NFATC2: variants seen among roughly 807,000 people sequenced by gnomAD.
NFATC2 encodes nuclear factor of activated T cells 2, also known as nuclear factor of activated T-cells, cytoplasmic 2.
A neutral mutation model predicts 87.3 loss-of-function variants in NFATC2; 22 were observed. The ratio of observed to expected loss-of-function variants is 0.25; its 90% CI spans 0.18 to 0.36. The LOEUF (loss-of-function observed/expected upper bound fraction) is 0.36. Among genes scored for constraint, NFATC2 ranks in the 10% least tolerant of loss-of-function variants. The pLI is 1.00. For missense variants in NFATC2, 1,149 were observed against 1,259.1 expected (o/e 0.91, Z 1.32); for synonymous variants, 565 against 542.2 (o/e 1.04, Z -0.58).
chr20:51,505,324 C>T (rs2076160676), intron 3 of NFATC2, among the ~76,000 whole-genome samples: 2 of 151,582 alleles, frequency 1.3e-5, no homozygotes, highest in South Asian at 4.2e-4. Flanking sequence ...CTGGCCATTT[C>T]CTGTACTTTT....
Position 51,390,418 on chromosome 20 carries a change from T to G in NFATC2, c.*1078A>C, listed in dbSNP as rs1249966667. ...TACCCACACTTCTTTTCTTGGTTGC[T>G]TTAGCCCTTCTGCTATTCCTCAATT... is the stretch of plus-strand genomic sequence containing the variant. On this transcript the variant is annotated 3_prime_UTR_variant, in exon 11 of 11. Coordinates refer to ENST00000371564, the MANE Select transcript of NFATC2 (RefSeq NM_012340.5). The G allele has an allele frequency of 6.6e-6, 1 of 152,256 alleles. No homozygotes were observed. Among genetic ancestry groups the G allele is most frequent in the Non-Finnish European group, 1.5e-5 (1 of 68,050 alleles). 9.4% of individuals were successfully genotyped at this position (152,256 alleles called of 1,614,324 possible).
At chr20:51,398,779 C>A in intron 9 of NFATC2, 49 bp from the exon 10 acceptor site, 1 of 1,271,260 alleles carries the variant, frequency 7.9e-7, no homozygotes, top group East Asian at 2.3e-5. Context: ...AAAAAATCAC[C>A]TTTGATCTCT....
intron 1 of NFATC2, among the ~76,000 whole-genome samples, chr20:51,561,282 C>T (rs2077018697): frequency 7.1e-6 from 1 of 141,084 alleles, no homozygotes; most frequent in Admixed American, 7.4e-5. Context: ...CGTGGCAAAG[C>T]ACACCGTTTA....
chr20:51,555,854 C>T (rs1302837592), intron 1 of NFATC2, among the ~76,000 whole-genome samples: 1 of 152,178 alleles, frequency 6.6e-6, no homozygotes, highest in Non-Finnish European at 1.5e-5. Flanking sequence ...CTATCCAGCC[C>T]GAATGAGGAA....
chr20:51,492,853 G>T (rs963467813), intron 3 of NFATC2, among the ~76,000 whole-genome samples: 2 of 152,268 alleles, frequency 1.3e-5, no homozygotes, highest in African/African-American at 2.4e-5. Context: ...CCGGGGCTGG[G>T]CCTGTCAAGG....
In NFATC2 at chr20:51,473,957, C is replaced by A. The variant is rs548340477; in HGVS notation, c.1708+23G>T. 29 of 1,606,706 alleles carry A rather than the reference C, an allele frequency of 1.8e-5. 1 individual carries two copies. In the South Asian group the frequency reaches 2.9e-4, roughly 16 times the overall value. Reference sequence around the variant, plus strand: ...GTGCCCTACGCTTTCTGAAGAAAGACCGGGCCCCAGGGCCCAACTTACAGC... The same window carrying A: ...GTGCCCTACGCTTTCTGAAGAAAGAACGGGCCCCAGGGCCCAACTTACAGC... On this transcript the variant is annotated intron_variant, in intron 5 of 10. Transcript: ENST00000371564.
intron 3 of NFATC2, among the ~76,000 whole-genome samples, chr20:51,483,300 G>A (rs775012360): frequency 6.6e-6 from 1 of 152,036 alleles, no homozygotes; most frequent in Non-Finnish European, 1.5e-5. Flanking sequence ...AAATGGCAAC[G>A]GGCCAAACAG....
rs1329499086 is a variant in NFATC2 at position 51,523,109 on chromosome 20, G to A, written c.1132C>T (p.Pro378Ser). ...CAGATGGGAATGGCAGGCACCAGCG[G>A]CTTGGGCCAAGTGGGCGGAACCAGC... ...ILLVPPTWPK[P>S]LVPAIPICSI... Residue 378 changes from proline to serine, a missense_variant, in exon 2 of 11, where the codon CCG becomes TCG. Pro to Ser is a moderately conservative substitution (Grantham distance 74). Coordinates refer to ENST00000371564, the MANE Select transcript of NFATC2 (RefSeq NM_012340.5). This position sits in a 1 kb window ranked among gnomAD's most constrained non-coding sequence, Gnocchi z 6.9. The A allele has an allele frequency of 1.2e-6, 2 of 1,614,250 alleles. No homozygotes were observed. Among genetic ancestry groups the A allele is most frequent in the African/African-American group, 2.7e-5 (2 of 75,074 alleles).
At chr20:51,409,064 TTAAC>T (rs1978804036) in intron 9 of NFATC2, among the ~76,000 whole-genome samples, 1 of 152,210 alleles carries the variant, frequency 6.6e-6, no homozygotes, top group African/African-American at 2.4e-5. Context: ...GTGAAAAAAT[TTAAC>T]TGTCTGACAG....
At chr20:51,511,798 C>T (rs2076275691) in intron 3 of NFATC2, among the ~76,000 whole-genome samples, 2 of 152,228 alleles carry the variant, frequency 1.3e-5, no homozygotes, top group Admixed American at 1.3e-4. Flanking sequence ...ATCTAGTCCC[C>T]AGGGAGAAAC....
intron 9 of NFATC2, among the ~76,000 whole-genome samples, chr20:51,421,235 G>A (rs1348175937): frequency 2.6e-5 from 4 of 152,108 alleles, no homozygotes; most frequent in African/African-American, 9.7e-5. Flanking sequence ...CTTGTACTAT[G>A]CTATAGTTAC....
At chr20:51,536,635 G>T (rs7275015) in intron 1 of NFATC2, among the ~76,000 whole-genome samples, 171 of 152,278 alleles carry the variant, frequency 1.1e-3, no homozygotes, top group African/African-American at 3.9e-3. Flanking sequence ...GAACACAGGG[G>T]CTTGAATTTA....
intron 10 of NFATC2, among the ~76,000 whole-genome samples, chr20:51,397,935 A>T (rs534337495): frequency 2.6e-5 from 4 of 152,150 alleles, no homozygotes; most frequent in Admixed American, 6.5e-5. Flanking sequence ...TCAATGTCTC[A>T]TCTGGACTTC....
chr20:51,524,562 G>A lies in NFATC2; in HGVS notation c.131-452C>T, dbSNP rs1390199317. On this transcript the variant is annotated intron_variant, in intron 1 of 10. Transcript: ENST00000371564. The surrounding 1 kb of genome is among the most constrained non-coding windows in gnomAD (Gnocchi z 4.0). Reference sequence around the variant, plus strand: ...ATTAGACGGATCCCCTAACCCGTCTGCGCGGTAGGTCATGACCCCTAGTTT... The same window carrying A: ...ATTAGACGGATCCCCTAACCCGTCTACGCGGTAGGTCATGACCCCTAGTTT... 2.0e-5 allele frequency among the ~76,000 whole-genome samples: 3 copies of A among 152,052 alleles called. No individual in the cohort carries two copies. The highest frequency in any genetic ancestry group is 7.2e-5 in the African/African-American group (3 of 41,394).
Position 51,523,718 on chromosome 20 carries a change from A to G in NFATC2, c.523T>C (p.Ser175Pro), listed in dbSNP as rs751950655. The change falls in exon 2 of 11, where the codon TCT becomes CCT. Residue 175 changes from serine (S) to proline (P), a missense_variant. By Grantham distance (74) the Ser-to-Pro change is moderately conservative. This residue lies in a region of NFATC2 where 563 missense variants were observed against 585.2 expected (regional missense o/e 0.96). Transcript: ENST00000371564. The surrounding 1 kb of genome is among the most constrained non-coding windows in gnomAD (Gnocchi z 6.9). ...LCLSPASSGS[S>P]ASFISDTFSP... ...AAGGTGTCAGAAATGAAGCTGGCAG[A>G]GGAGCCGCTGCTAGCGGGGCTCAAG... The G allele has an allele frequency of 1.2e-6, 2 of 1,612,140 alleles. No individual in the cohort carries two copies. The highest frequency in any genetic ancestry group is 1.3e-5 in the African/African-American group (1 of 74,844).
chr20:51,394,279 C>T (rs1355156689), intron 10 of NFATC2, among the ~76,000 whole-genome samples: 1 of 152,096 alleles, frequency 6.6e-6, no homozygotes, highest in Non-Finnish European at 1.5e-5. Flanking sequence ...TGCTCAACCA[C>T]TTCATGCAGG....
In NFATC2 at chr20:51,510,476, T is replaced by C. The variant is rs559654781; in HGVS notation, c.1332+6308A>G. 2.0e-5 allele frequency among the ~76,000 whole-genome samples: 3 copies of C among 152,348 alleles called. No individual in the cohort carries two copies. The South Asian group carries it at 6.2e-4, about 32-fold the overall frequency. ...TGATGGCAGGGCTCCACCAAAAGCG[T>C]GTGGCTCTTTTGAGATGAATCAAGT... On this transcript the variant is annotated intron_variant, in intron 3 of 10. Coordinates refer to ENST00000371564, the MANE Select transcript of NFATC2 (RefSeq NM_012340.5).
chr20:51,405,638 C>A (rs1988489106), intron 9 of NFATC2, among the ~76,000 whole-genome samples: 1 of 152,204 alleles, frequency 6.6e-6, no homozygotes, highest in African/African-American at 2.4e-5. Context: ...CAACCTCTCA[C>A]TGGTTGGTAA....
intron 1 of NFATC2, among the ~76,000 whole-genome samples, chr20:51,560,532 C>T (rs956974035): frequency 6.6e-6 from 1 of 152,162 alleles, no homozygotes; most frequent in African/African-American, 2.4e-5. Context: ...CTCTATTTAA[C>T]GACCCCACCC....
Sources: allele counts gnomAD v4.1 joint callset (sites outside exome capture counted in the v4.1 genomes callset), GRCh38; gene constraint gnomAD v4.1.1; regional missense constraint gnomAD v4.1.1; non-coding constraint Gnocchi (gnomAD v3.1); transcripts MANE v1.5; gene names NCBI Gene and HGNC (gene_info 2026-07-23, HGNC 2026-07-21).